Variants in FBXL7 observed in about 807,000 individuals in gnomAD.
FBXL7 encodes F-box and leucine rich repeat protein 7.
In FBXL7, 12 loss-of-function variants were observed where a neutral mutation model predicts 38.3. The observed-to-expected ratio is 0.31, with a 90% CI of 0.20 to 0.51. The LOEUF (loss-of-function observed/expected upper bound fraction) is 0.51. Among genes scored for constraint, FBXL7 ranks in the 20% least tolerant of loss-of-function variants. The pLI is 0.98. For missense variants in FBXL7, 567 were observed against 676.4 expected (o/e 0.84, Z 1.79); for synonymous variants, 297 against 300.9 (o/e 0.99, Z 0.13).
At chr5:15,706,685 C>G (rs969731527) in intron 2 of FBXL7, among the ~76,000 whole-genome samples, 2 of 151,868 alleles carry the variant, frequency 1.3e-5, no homozygotes, top group Admixed American at 6.6e-5. Context: ...TTGGAAAAAA[C>G]AAAAAAACAA....
At chr5:15,645,116 T>G (rs1741489348) in intron 2 of FBXL7, among the ~76,000 whole-genome samples, 1 of 152,232 alleles carries the variant, frequency 6.6e-6, no homozygotes, top group Non-Finnish European at 1.5e-5. Flanking sequence ...AATCATTTTC[T>G]GTTTTTGTTG....
Position 15,500,451 on chromosome 5 carries a change from C to T in FBXL7, c.-226C>T, listed in dbSNP as rs1736457351. On this transcript the variant is annotated 5_prime_UTR_variant, in exon 1 of 4. Coordinates refer to ENST00000504595, the MANE Select transcript of FBXL7 (RefSeq NM_012304.5). ...CCCCCAGCGCGGATTGTAAGTGCTG[C>T]AGCTGTGCCCGGCCCCGCCTGGAGC... 3.5e-6 allele frequency: 2 copies of T among 574,974 alleles called. No homozygotes were observed. The highest frequency in any genetic ancestry group is 6.1e-6 in the Non-Finnish European group (2 of 329,398). The allele number at this position is 574,974 out of a possible 1,614,324, so 35.6% of individuals were successfully genotyped here. A position where few individuals can be genotyped will look rare whatever the true frequency, so the allele number is the denominator to read the frequency against.
At chr5:15,515,893 A>G (rs1736922316) in intron 1 of FBXL7, among the ~76,000 whole-genome samples, 1 of 152,190 alleles carries the variant, frequency 6.6e-6, no homozygotes, top group Admixed American at 6.5e-5. Context: ...TCAAATTACT[A>G]TAAGCTCAGA....
chr5:15,625,911 A>C (rs1211944004), intron 2 of FBXL7, among the ~76,000 whole-genome samples: 2 of 152,174 alleles, frequency 1.3e-5, no homozygotes, highest in Non-Finnish European at 2.9e-5. Flanking sequence ...TGAGAGAAAG[A>C]AAATGATGCT....
intron 2 of FBXL7, among the ~76,000 whole-genome samples, chr5:15,831,405 C>T (rs539424445): frequency 7.9e-5 from 12 of 152,242 alleles, no homozygotes; most frequent in East Asian, 1.9e-4. Context: ...GCACACTGAC[C>T]GCATAGCCGA....
intron 1 of FBXL7, among the ~76,000 whole-genome samples, chr5:15,589,800 T>TTGGAA (rs2126478777): frequency 6.6e-6 from 1 of 152,294 alleles, no homozygotes; most frequent in South Asian, 2.1e-4. Context: ...AGCCATGGCA[T>TTGGAA]AGCCAGCGTG....
chr5:15,798,340 A>G (rs1386893123), intron 2 of FBXL7, among the ~76,000 whole-genome samples: 1 of 151,688 alleles, frequency 6.6e-6, no homozygotes, highest in Non-Finnish European at 1.5e-5. Flanking sequence ...CCACTTATAC[A>G]CTCTACTCTA....
intron 2 of FBXL7, among the ~76,000 whole-genome samples, chr5:15,777,328 A>T (rs1736879819): frequency 6.6e-6 from 1 of 152,084 alleles, no homozygotes; most frequent in African/African-American, 2.4e-5. Flanking sequence ...TATTATATCA[A>T]ATAATGTAGC....
chr5:15,661,789 T>A (rs1161823879), intron 2 of FBXL7, among the ~76,000 whole-genome samples: 1 of 152,228 alleles, frequency 6.6e-6, no homozygotes, highest in Non-Finnish European at 1.5e-5. Flanking sequence ...GTATTTGGAT[T>A]TCTGTTCCTT....
At chr5:15,641,913 A>G (rs1741377642) in intron 2 of FBXL7, among the ~76,000 whole-genome samples, 1 of 151,164 alleles carries the variant, frequency 6.6e-6, no homozygotes, top group African/African-American at 2.4e-5. Flanking sequence ...GATACATAAC[A>G]TAGTATATGG....
At chr5:15,638,849 A>G (rs995209447) in intron 2 of FBXL7, among the ~76,000 whole-genome samples, 4 of 152,166 alleles carry the variant, frequency 2.6e-5, no homozygotes, top group Admixed American at 2.6e-4. Context: ...GTAGCAAGCA[A>G]TATTTCAGAC....
At chr5:15,583,217 C>A (rs549091108) in intron 1 of FBXL7, among the ~76,000 whole-genome samples, 1 of 152,174 alleles carries the variant, frequency 6.6e-6, no homozygotes, top group East Asian at 1.9e-4. Context: ...GGAAACTGCC[C>A]ACATGATCCA....
intron 2 of FBXL7, among the ~76,000 whole-genome samples, chr5:15,624,630 A>G (rs959755363): frequency 1.3e-5 from 2 of 152,232 alleles, no homozygotes; most frequent in Admixed American, 1.3e-4. Flanking sequence ...GCATTCCTAC[A>G]CTTGAAGTTA....
In FBXL7 at chr5:15,500,577, C is replaced by T. The variant is rs1736460572; in HGVS notation, c.-100C>T. The T allele has an allele frequency of 1.9e-6, 3 of 1,540,628 alleles. No individual in the cohort carries two copies. Among genetic ancestry groups the T allele is most frequent in the Admixed American group, 1.7e-5 (1 of 59,904 alleles). On this transcript the variant is annotated 5_prime_UTR_variant, in exon 1 of 4. Transcript: ENST00000504595. ...CCCGGAGCTTGGGGGGGATGTGCAG[C>T]TAACGGTCCCGTCGGGCGGGCTTTC...
intron 2 of FBXL7, among the ~76,000 whole-genome samples, chr5:15,677,386 G>A (rs563715873): frequency 1.3e-5 from 2 of 152,098 alleles, no homozygotes; most frequent in South Asian, 2.1e-4. Flanking sequence ...ATAATTGCTC[G>A]AACCCAGGAA....
intron 2 of FBXL7, among the ~76,000 whole-genome samples, chr5:15,853,502 C>T (rs1348743888): frequency 6.6e-6 from 1 of 152,018 alleles, no homozygotes; most frequent in Non-Finnish European, 1.5e-5. Context: ...GAGCGGGGAA[C>T]ATCTATTCCT....
intron 1 of FBXL7, chr5:15,580,734 T>C: frequency 1.0e-6 from 1 of 985,382 alleles, no homozygotes; most frequent in Non-Finnish European, 1.2e-6. Flanking sequence ...AGCCTGAAGA[T>C]CTCACAAGCT....
chr5:15,813,245 A>C (rs948300185), intron 2 of FBXL7, among the ~76,000 whole-genome samples: 2 of 152,186 alleles, frequency 1.3e-5, no homozygotes, highest in African/African-American at 4.8e-5. Context: ...CTGATGGAAC[A>C]GAACAGATGC....
rs1253041628 is a variant in FBXL7 at position 15,928,300 on chromosome 5, G to T, written c.538G>T (p.Asp180Tyr). The T allele has an allele frequency of 1.2e-6, 2 of 1,613,476 alleles. No homozygotes were observed. Among genetic ancestry groups the T allele is most frequent in the East Asian group, 2.2e-5 (1 of 44,884 alleles). ...LKVLTRRLCQ[D>Y]TPNVCLMLET... The stretch of plus-strand genomic sequence containing the variant: ...GGTGCTGACCCGCAGACTCTGCCAG[G>T]ACACCCCCAACGTGTGTCTCATGCT... The change falls in exon 3 of 4, where the codon GAC (aspartate) becomes TAC (tyrosine). Residue 180 changes from aspartate (D) to tyrosine (Y), a missense_variant. Transcript: ENST00000504595. This position sits in a 1 kb window ranked among gnomAD's most constrained non-coding sequence, Gnocchi z 4.0.
Sources: allele counts gnomAD v4.1 joint callset (sites outside exome capture counted in the v4.1 genomes callset), GRCh38; gene constraint gnomAD v4.1.1; non-coding constraint Gnocchi (gnomAD v3.1); transcripts MANE v1.5; gene names NCBI Gene and HGNC (gene_info 2026-07-23, HGNC 2026-07-21).